DCDC1: variants seen among roughly 807,000 people sequenced by gnomAD.
DCDC1 encodes doublecortin domain containing 1.
DCDC1 carries 200 observed loss-of-function variants against 178.3 expected under a neutral mutation model. That is an observed-to-expected ratio of 1.12 (90% CI 1.00 to 1.26). The LOEUF (loss-of-function observed/expected upper bound fraction) is 1.26, where lower values mean the gene tolerates loss of function less well. Ranked by LOEUF, DCDC1 falls within the 50% of genes most tolerant of loss-of-function variation. DCDC1 has a pLI of 0.00. For missense variants in DCDC1, 1,983 were observed against 1,749.2 expected (o/e 1.13, Z -2.38); for synonymous variants, 690 against 604.8 (o/e 1.14, Z -2.07).
chr11:31,034,210 T>C (rs1318328083), intron 20 of DCDC1, among the ~76,000 whole-genome samples: 1 of 151,454 alleles, frequency 6.6e-6, no homozygotes, highest in Admixed American at 6.6e-5. Context: ...ACAGGAAATA[T>C]TTCTCAACAG....
At chr11:31,309,142 T>G (rs2447670) in intron 3 of DCDC1, among the ~76,000 whole-genome samples, 35,286 of 148,002 alleles carry the variant, frequency 0.24, 4,185 homozygotes, top group East Asian at 0.27. Context: ...AAATAGATGT[T>G]TGTGTGTGTG....
chr11:31,143,206 G>C (rs1964049863), intron 9 of DCDC1, among the ~76,000 whole-genome samples: 1 of 152,160 alleles, frequency 6.6e-6, no homozygotes, highest in Admixed American at 6.5e-5. Context: ...AGATGGAGTG[G>C]CTGGAGATGG....
intron 20 of DCDC1, among the ~76,000 whole-genome samples, chr11:31,013,213 T>G (rs530219843): frequency 1.1e-4 from 17 of 152,220 alleles, no homozygotes; most frequent in Non-Finnish European, 2.2e-4. Flanking sequence ...ATTGTATACC[T>G]CTTTCTTAAT....
At chr11:31,213,117 C>CTCTCTCTCTCTCTCT (rs1972894499) in intron 9 of DCDC1, among the ~76,000 whole-genome samples, 1 of 84,046 alleles carries the variant, frequency 1.2e-5, no homozygotes, top group Admixed American at 1.3e-4. Flanking sequence ...CTCTCTCTCT[C>CTCTCTCTCTCTCTCT]TCTCTCTCTC....
intron 3 of DCDC1, among the ~76,000 whole-genome samples, chr11:31,323,710 G>T (rs1228031570): frequency 6.6e-6 from 1 of 151,848 alleles, no homozygotes; most frequent in African/African-American, 2.4e-5. Context: ...AACACAAAGG[G>T]AAATGACCAT....
intron 2 of DCDC1, 94 bp from the exon 3 acceptor site, chr11:31,328,380 C>A: frequency 8.0e-7 from 1 of 1,255,310 alleles, no homozygotes; most frequent in Non-Finnish European, 1.1e-6. Context: ...TACTTGTCAT[C>A]ATGTGATTCT....
chr11:31,239,452 A>G (rs1976845627), intron 9 of DCDC1, among the ~76,000 whole-genome samples: 1 of 152,026 alleles, frequency 6.6e-6, no homozygotes, highest in Non-Finnish European at 1.5e-5. Context: ...ATATAACACT[A>G]CAAAAGAAGA....
chr11:30,878,163 A>G (rs765533166), intron 38 of DCDC1, among the ~76,000 whole-genome samples: 77 of 152,244 alleles, frequency 5.1e-4, no homozygotes, highest in Admixed American at 1.2e-3. Flanking sequence ...ATAACCTTCA[A>G]AAAAGATCGC....
intron 7 of DCDC1, among the ~76,000 whole-genome samples, chr11:31,272,149 G>A (rs1199660912): frequency 7.6e-6 from 1 of 131,746 alleles, no homozygotes. Flanking sequence ...TTGGCAGGGT[G>A]AGACTCCATC....
In DCDC1 at chr11:30,908,927, A is replaced by G; in HGVS notation, c.3918+19T>C. The stretch of plus-strand genomic sequence containing the variant: ...TTACCCTATTTTTCTTTTATCTTTG[A>G]GAGGAAGGAACCACTTACTGGTTGA... On this transcript the variant is annotated intron_variant, in intron 29 of 38. Transcript: ENST00000684477. 1.9e-6 allele frequency: 3 copies of G among 1,559,152 alleles called. No homozygotes were observed. The highest frequency in any genetic ancestry group is 2.6e-6 in the Non-Finnish European group (3 of 1,151,404).
chr11:31,162,103 G>A lies in DCDC1; in HGVS notation c.1222-24319C>T, dbSNP rs528888428. Reference sequence around the variant, plus strand: ...TTTTGGTATATAAGACAGGTCAAAGGTGAGTTGTGATTAATTGATTTTTAG... The same window carrying A: ...TTTTGGTATATAAGACAGGTCAAAGATGAGTTGTGATTAATTGATTTTTAG... On this transcript the variant is annotated intron_variant, in intron 9 of 38. Transcript: ENST00000684477. Among the ~76,000 whole-genome samples the A allele has an allele frequency of 1.1e-3, 173 of 152,202 alleles. 2 individuals are homozygous for A. Among genetic ancestry groups the A allele is most frequent in the African/African-American group, 3.9e-3 (161 of 41,536 alleles).
intron 9 of DCDC1, among the ~76,000 whole-genome samples, chr11:31,188,705 C>T (rs940722318): frequency 6.6e-6 from 1 of 152,110 alleles, no homozygotes; most frequent in Non-Finnish European, 1.5e-5. Flanking sequence ...GCAGTGCTTC[C>T]CAAAGGCTGG....
chr11:31,124,663 G>A (rs1473251011), intron 11 of DCDC1, among the ~76,000 whole-genome samples: 2 of 152,034 alleles, frequency 1.3e-5, no homozygotes. Context: ...TGACAAACTT[G>A]ACAAAAACAA....
At chr11:31,226,936 TA>T (rs1170989164) in intron 9 of DCDC1, among the ~76,000 whole-genome samples, 1 of 151,814 alleles carries the variant, frequency 6.6e-6, no homozygotes, top group African/African-American at 2.4e-5. Flanking sequence ...CAGATAAAAA[TA>T]AAATAGACGA....
At chr11:31,010,544 A>C (rs1442950365) in intron 20 of DCDC1, among the ~76,000 whole-genome samples, 1 of 152,222 alleles carries the variant, frequency 6.6e-6, no homozygotes, top group Non-Finnish European at 1.5e-5. Flanking sequence ...GATGATATGC[A>C]ACAGAATAAC....
At chr11:31,315,522 G>C (rs1565600111) in intron 3 of DCDC1, among the ~76,000 whole-genome samples, 1 of 151,372 alleles carries the variant, frequency 6.6e-6, no homozygotes, top group Non-Finnish European at 1.5e-5. Context: ...ATTTTTAGTA[G>C]AGAGGGGGTT....
At chr11:31,294,971 T>C (rs1947586164) in intron 6 of DCDC1, among the ~76,000 whole-genome samples, 1 of 152,130 alleles carries the variant, frequency 6.6e-6, no homozygotes, top group East Asian at 1.9e-4. Context: ...CCGGATGTGA[T>C]GGGAAGCTGT....
chr11:31,101,874 C>T (rs1958525774), intron 15 of DCDC1, among the ~76,000 whole-genome samples: 1 of 152,040 alleles, frequency 6.6e-6, no homozygotes, highest in African/African-American at 2.4e-5. Context: ...GTCAGGAATT[C>T]GAGACCAGCC....
rs969558937 is a variant in DCDC1, at chr11:30,900,450, G to A, written c.4559C>T (p.Thr1520Ile). The A allele has an allele frequency of 1.2e-5, 19 of 1,555,276 alleles. No homozygotes were observed. The highest frequency in any genetic ancestry group is 1.5e-5 in the Non-Finnish European group (17 of 1,149,110). The change falls in exon 33 of 39, where the codon ACA becomes ATA. Residue 1520 changes from threonine to isoleucine, a missense_variant. Thr to Ile is a moderately conservative substitution (Grantham distance 89, BLOSUM62 -1). Transcript: ENST00000684477. ...GTCTATACCATCCAAACTATCGGAT[G>A]TCACAGATTTTGCAAATAATCTGTT... ...VKNRLFAKSV[T>I]SDSLDGIDKS...
Sources: gnomAD v4.1 joint callset for allele counts (sites outside exome capture counted in the v4.1 genomes callset) on GRCh38, gnomAD v4.1.1 for gene constraint, MANE v1.5 for transcripts, NCBI Gene and HGNC (gene_info 2026-07-23, HGNC 2026-07-21) for gene names.